The following UNC80 variants were observed in gnomAD, a reference collection of about 807,000 sequenced individuals.
UNC80 encodes the protein unc-80 subunit of NALCN channel complex, also known as protein unc-80 homolog.
A neutral mutation model predicts 384.6 loss-of-function variants in UNC80; 164 were observed. The observed-to-expected ratio is 0.43, with a 90% confidence interval of 0.38 to 0.49. The LOEUF is 0.49. Ranked by LOEUF, UNC80 falls within the 20% of genes least tolerant of loss-of-function variation. The pLI is 0.00. For synonymous variants in UNC80, 1,486 were observed against 1,527.8 expected (o/e 0.97, Z 0.64); for missense variants, 3,330 against 4,143.0 (o/e 0.80, Z 5.39).
Position 209,941,270 on chromosome 2 carries a change from C to A in UNC80, c.6696C>A (p.Ile2232=), listed in dbSNP as rs2091613147. The A allele has an allele frequency of 6.5e-7, 1 of 1,538,412 alleles. No individual in the cohort carries two copies. Among genetic ancestry groups the A allele is most frequent in the Non-Finnish European group, 8.8e-7 (1 of 1,136,256 alleles). Residue 2232 remains isoleucine, a synonymous_variant, in exon 44 of 65, where the codon ATC becomes ATA. Transcript: ENST00000673920. ...ACACTCTTCAGAAAAGCTTGTGGAT[C>A]CAGCTGCTGGAGGAAATGTTCCTGG... The part of the protein sequence containing the change: ...GLDTLQKSLW[I]QLLEEMFLGM...
At position 209,991,503 on chromosome 2, in the gene UNC80, G is replaced by T. The variant is rs533124671; in HGVS notation, c.9315-663G>T. ...GAGCAGGTTGTTGCTTTTATAAACT[G>T]CATGGTATGTTTGAGTGCAGTTACT... is the stretch of plus-strand genomic sequence containing the variant. On this transcript the variant is annotated intron_variant, in intron 61 of 64. Transcript: ENST00000673920. 2.6e-5 allele frequency among the ~76,000 whole-genome samples: 4 copies of T among 152,106 alleles called. No individual in the cohort carries two copies. The South Asian group carries it at 6.2e-4, about 24-fold the overall frequency.
chr2:209,966,328 T>A (rs1039070901), intron 51 of UNC80, among the ~76,000 whole-genome samples: 5 of 152,304 alleles, frequency 3.3e-5, no homozygotes, highest in Middle Eastern at 3.4e-3. Context: ...AGGAAAAAAA[T>A]CAAGCTCGAA....
At chr2:209,935,932 T>A (rs759242409) in intron 40 of UNC80, 124 bp downstream of exon 40, 4 of 590,050 alleles carry the variant, frequency 6.8e-6, no homozygotes, top group Non-Finnish European at 1.2e-5. Context: ...TTCTTTACTC[T>A]TCTAAAATCT....
At chr2:209,922,645 C>T (rs913968208) in intron 35 of UNC80, among the ~76,000 whole-genome samples, 4 of 152,116 alleles carry the variant, frequency 2.6e-5, no homozygotes, top group Non-Finnish European at 1.5e-5. Context: ...TCATTCTAGA[C>T]AGTTAATAGT....
chr2:209,930,022 C>T, intron 37 of UNC80, 51 bp downstream of exon 37: 2 of 1,293,006 alleles, frequency 1.5e-6, no homozygotes, highest in Non-Finnish European at 2.1e-6. Context: ...AGTGTGAACA[C>T]TGTTAAAATC....
In UNC80 at chr2:209,840,433, A is replaced by G. The variant is rs1327321232; in HGVS notation, c.3251-109A>G. On this transcript the variant is annotated intron_variant, in intron 19 of 64. Transcript: ENST00000673920. ...TTGAAAACAATTTGTTTTTCTATTT[A>G]TACCAAGCCATGTAACTTTCATCGC... The G allele has an allele frequency of 7.9e-6, 7 of 890,710 alleles. No homozygotes were observed. The Admixed American group carries it at 9.1e-5, about 12-fold the overall frequency. 55.2% of individuals were successfully genotyped at this position (890,710 alleles called of 1,614,324 possible).
chr2:209,911,281 A>G (rs1314009980), intron 29 of UNC80, among the ~76,000 whole-genome samples: 1 of 152,202 alleles, frequency 6.6e-6, no homozygotes, highest in Non-Finnish European at 1.5e-5. Context: ...TGATTTTAGA[A>G]CAGTCTTCAA....
intron 49 of UNC80, among the ~76,000 whole-genome samples, 159 bp downstream of exon 49, chr2:209,957,895 C>T (rs758117673): frequency 4.6e-5 from 7 of 152,240 alleles, no homozygotes; most frequent in East Asian, 3.9e-4. Context: ...CAAGAAAATA[C>T]CAAGGCTTCT....
chr2:209,789,996 G>A (rs575301899), intron 6 of UNC80, among the ~76,000 whole-genome samples: 7 of 151,902 alleles, frequency 4.6e-5, no homozygotes, highest in Admixed American at 3.9e-4. Context: ...CTCTAATGTA[G>A]GTAGAATAAT....
At chr2:209,918,101 T>G in intron 32 of UNC80, 143 bp downstream of exon 32, 1 of 774,278 alleles carries the variant, frequency 1.3e-6, no homozygotes, top group Non-Finnish European at 2.0e-6. Context: ...CTAACATACA[T>G]GAATGCATTC....
Position 209,998,230 on chromosome 2 carries a change from T to G in UNC80, c.*2635T>G, listed in dbSNP as rs1007953584. ...GGAATAAACCATGTGTTATCCATGATAGTATGACTCAGATCCAATTAAAAC... is the reference window on the plus strand; with the variant it reads ...GGAATAAACCATGTGTTATCCATGAGAGTATGACTCAGATCCAATTAAAAC... On this transcript the variant is annotated 3_prime_UTR_variant, in exon 65 of 65. Coordinates refer to ENST00000673920, the MANE Select transcript of UNC80 (RefSeq NM_001371986.1). 6.6e-6 allele frequency: 1 copy of G among 152,256 alleles called. No homozygotes were observed. The highest frequency in any genetic ancestry group is 1.5e-5 in the Non-Finnish European group (1 of 68,040). 9.4% of individuals were successfully genotyped at this position (152,256 alleles called of 1,614,324 possible).
chr2:209,866,827 C>T (rs986439903), intron 22 of UNC80, among the ~76,000 whole-genome samples: 2 of 152,144 alleles, frequency 1.3e-5, no homozygotes, highest in African/African-American at 2.4e-5. Context: ...CGATTCCAAT[C>T]GCTGTAGTCT....
chr2:209,883,605 T>A (rs549766344), intron 25 of UNC80, among the ~76,000 whole-genome samples: 15 of 152,060 alleles, frequency 9.9e-5, no homozygotes, highest in East Asian at 5.8e-4. Context: ...TAATTTTTTT[T>A]ATTTTTTTTA....
intron 17 of UNC80, among the ~76,000 whole-genome samples, 197 bp from the exon 18 acceptor site, chr2:209,834,715 T>A (rs1341344197): frequency 6.6e-6 from 1 of 152,212 alleles, no homozygotes; most frequent in Non-Finnish European, 1.5e-5. Flanking sequence ...ATAATGGTGA[T>A]ATTGTGAAGC....
intron 21 of UNC80, among the ~76,000 whole-genome samples, chr2:209,849,163 C>A (rs1459638484): frequency 6.6e-6 from 1 of 152,022 alleles, no homozygotes; most frequent in Non-Finnish European, 1.5e-5. Context: ...ACACCAAAAG[C>A]TCTTACTAGT....
chr2:209,793,908 A>G, intron 7 of UNC80, 49 bp downstream of exon 7: 1 of 1,606,170 alleles, frequency 6.2e-7, no homozygotes, highest in East Asian at 2.2e-5. Context: ...GTCACCAAAA[A>G]TCAAATATGC....
rs533404500 is a variant in UNC80, at chr2:209,824,826, G to A, written c.2332-1081G>A. ...AGCCCCTATTCCTTCCATACCATGC[G>A]CACATTTGAGTACTTATATCTGGTT... On this transcript the variant is annotated intron_variant, in intron 13 of 64. Coordinates refer to ENST00000673920, the MANE Select transcript of UNC80 (RefSeq NM_001371986.1). Among the ~76,000 whole-genome samples, 6 of 152,212 alleles carry A rather than the reference G, an allele frequency of 3.9e-5. No homozygotes were observed. The East Asian group carries it at 5.8e-4, about 15-fold the overall frequency.
intron 28 of UNC80, among the ~76,000 whole-genome samples, chr2:209,901,958 G>T (rs967937717): frequency 2.0e-5 from 3 of 151,970 alleles, no homozygotes; most frequent in Admixed American, 1.3e-4. Context: ...TTTTGCAGGG[G>T]TATAGCTGCC....
At chr2:209,974,429 A>C (rs2092958464) in intron 56 of UNC80, among the ~76,000 whole-genome samples, 1 of 152,196 alleles carries the variant, frequency 6.6e-6, no homozygotes, top group Non-Finnish European at 1.5e-5. Flanking sequence ...TGATGGAGGA[A>C]AGGGGCTCAC....
Sources: gnomAD v4.1 joint callset for allele counts (sites outside exome capture counted in the v4.1 genomes callset) on GRCh38, gnomAD v4.1.1 for gene constraint, MANE v1.5 for transcripts, NCBI Gene and HGNC (gene_info 2026-07-23, HGNC 2026-07-21) for gene names.